Variants in EWSR1 observed in about 807,000 individuals in gnomAD.
EWSR1 encodes the protein RNA-binding protein EWS.
In EWSR1, 14 loss-of-function variants were observed where a neutral mutation model predicts 92.1. That is an observed-to-expected ratio of 0.15 (90% CI 0.10 to 0.24). The LOEUF (loss-of-function observed/expected upper bound fraction) is 0.24, where lower values mean the gene tolerates loss of function less well. Among genes scored for constraint, EWSR1 ranks in the 10% least tolerant of loss-of-function variants. The probability of loss-of-function intolerance (pLI) is 1.00; values close to 1 mark genes in which losing one functional copy is unlikely to be tolerated. For synonymous variants in EWSR1, 303 were observed against 292.9 expected (o/e 1.03, Z -0.35); for missense variants, 637 against 870.9 (o/e 0.73, Z 3.38).
chr22:29,288,130 C>T (rs1457442531), intron 7 of EWSR1, among the ~76,000 whole-genome samples: 3 of 152,190 alleles, frequency 2.0e-5, no homozygotes, highest in Admixed American at 6.5e-5. Flanking sequence ...ACATAATTAT[C>T]TTCAGAATTT....
At position 29,278,626 on chromosome 22, in the gene EWSR1, C is replaced by CA. The variant is rs1262482861; in HGVS notation, c.413+411dup. Reference sequence around the variant, plus strand: ...GATCACAAGGTCAGGAGATCGAGACCATCCTGGCTAACACGGTGAAACCCC... The same window carrying CA: ...GATCACAAGGTCAGGAGATCGAGACCAATCCTGGCTAACACGGTGAAACCCC... On this transcript the variant is annotated intron_variant, in intron 5 of 16. Coordinates refer to ENST00000397938, the MANE Select transcript of EWSR1 (RefSeq NM_005243.4). Among the ~76,000 whole-genome samples the CA allele has an allele frequency of 5.3e-5, 8 of 152,124 alleles. No individual in the cohort carries two copies. The East Asian group carries it at 1.5e-3, about 29-fold the overall frequency.
chr22:29,279,118 G>A (rs896545967), intron 5 of EWSR1, among the ~76,000 whole-genome samples: 23 of 152,094 alleles, frequency 1.5e-4, no homozygotes, highest in African/African-American at 5.6e-4. Context: ...AAACCCAGAA[G>A]AAGAGAGAGA....
At chr22:29,287,180 A>T in intron 7 of EWSR1, 46 bp downstream of exon 7, 1 of 1,570,066 alleles carries the variant, frequency 6.4e-7, no homozygotes, top group Non-Finnish European at 8.7e-7. Flanking sequence ...ATGTGTTTAG[A>T]GTTTTTTTGT....
chr22:29,269,469 C>G (rs545411840), intron 1 of EWSR1: 17 of 152,286 alleles, frequency 1.1e-4, no homozygotes, highest in African/African-American at 3.9e-4. Context: ...TACACTAACC[C>G]GCGAAAATTG....
At chr22:29,271,183 G>A (rs1006756464) in intron 1 of EWSR1, among the ~76,000 whole-genome samples, 1 of 152,160 alleles carries the variant, frequency 6.6e-6, no homozygotes, top group African/African-American at 2.4e-5. Context: ...CCGTCCTAAT[G>A]GCAGTACTGT....
intron 1 of EWSR1, among the ~76,000 whole-genome samples, chr22:29,268,593 G>C (rs1373844879): frequency 7.9e-5 from 12 of 152,132 alleles, no homozygotes; most frequent in African/African-American, 2.9e-4. Flanking sequence ...GGCGCGCGGG[G>C]CCCGCCTTGG....
chr22:29,295,518 T>G, intron 11 of EWSR1: 1 of 215,392 alleles, frequency 4.6e-6, no homozygotes. Context: ...TGCCATATTT[T>G]CTTTTCAGTT....
chr22:29,278,669 CA>C (rs1286107906), intron 5 of EWSR1, among the ~76,000 whole-genome samples: 8 of 152,100 alleles, frequency 5.3e-5, no homozygotes, highest in Admixed American at 5.2e-4. Context: ...CTGAAAAATA[CA>C]AAAAATTAGC....
intron 7 of EWSR1, among the ~76,000 whole-genome samples, chr22:29,287,997 T>C (rs1399512719): frequency 6.6e-6 from 1 of 152,130 alleles, no homozygotes; most frequent in Non-Finnish European, 1.5e-5. Context: ...GGCAACATAG[T>C]GAGACCCTGT....
chr22:29,297,160 T>G lies in EWSR1; in HGVS notation c.1295-667T>G, dbSNP rs576379724. Among the ~76,000 whole-genome samples, 56 of 152,312 alleles carry G rather than the reference T, an allele frequency of 3.7e-4. 1 individual carries two copies. The highest frequency in any genetic ancestry group is 6.5e-4 in the Non-Finnish European group (44 of 68,028). ...AGACAGTGTTTTTTGCTTGTGTTGT[T>G]TTTTTTGAGATGGTCTCACTTTGTC... is the stretch of plus-strand genomic sequence containing the variant. On this transcript the variant is annotated intron_variant, in intron 12 of 16. Coordinates refer to ENST00000397938, the MANE Select transcript of EWSR1 (RefSeq NM_005243.4).
chr22:29,287,396 C>T (rs1412837056), intron 7 of EWSR1, among the ~76,000 whole-genome samples: 5 of 152,090 alleles, frequency 3.3e-5, no homozygotes, highest in East Asian at 1.9e-4. Flanking sequence ...TTCGTAGAGA[C>T]GGGGTTTCAC....
chr22:29,296,405 C>CTA, intron 12 of EWSR1, 37 bp downstream of exon 12: 5 of 1,610,270 alleles, frequency 3.1e-6, no homozygotes, highest in Non-Finnish European at 4.2e-6. Context: ...ATCTCCCTGG[C>CTA]TATAGAATAT....
chr22:29,284,252 A>T (rs1286567638), intron 6 of EWSR1, among the ~76,000 whole-genome samples: 2 of 151,442 alleles, frequency 1.3e-5, no homozygotes, highest in Admixed American at 6.5e-5. Context: ...TTATGGGATT[A>T]CAGGTGTGAG....
chr22:29,272,174 TC>T, intron 1 of EWSR1, 41 bp from the exon 2 acceptor site: 1 of 1,587,086 alleles, frequency 6.3e-7, no homozygotes, highest in Non-Finnish European at 8.6e-7. Context: ...TCTCCTTGTT[TC>T]TGCTAACTTT....
intron 15 of EWSR1, 49 bp downstream of exon 15, chr22:29,299,380 T>C: frequency 1.9e-6 from 3 of 1,575,292 alleles, no homozygotes; most frequent in Non-Finnish European, 2.6e-6. Flanking sequence ...GTGCTAAACC[T>C]CTTTTCTTAT....
At chr22:29,296,211 A>G (rs1175492977) in intron 11 of EWSR1, 28 bp from the exon 12 acceptor site, 2 of 1,607,914 alleles carry the variant, frequency 1.2e-6, no homozygotes, top group Non-Finnish European at 8.5e-7. Flanking sequence ...TATTCTAGTC[A>G]TGCCTAACTA....
intron 11 of EWSR1, among the ~76,000 whole-genome samples, chr22:29,294,911 C>G (rs1328445214): frequency 7.4e-6 from 1 of 135,790 alleles, no homozygotes; most frequent in Non-Finnish European, 1.6e-5. Flanking sequence ...GACTCCATCT[C>G]AAAAAAAAAA....
At chr22:29,293,278 G>A (rs1465718223) in intron 11 of EWSR1, among the ~76,000 whole-genome samples, 3 of 152,122 alleles carry the variant, frequency 2.0e-5, no homozygotes, top group Non-Finnish European at 2.9e-5. Context: ...CCAAATTGCT[G>A]GGATTACAAG....
chr22:29,272,651 A>G (rs1191673812), intron 3 of EWSR1, among the ~76,000 whole-genome samples: 1 of 152,206 alleles, frequency 6.6e-6, no homozygotes, highest in Non-Finnish European at 1.5e-5. Context: ...TAACTTTTTA[A>G]TATGATTTCT....
Sources: gnomAD v4.1 joint callset for allele counts (sites outside exome capture counted in the v4.1 genomes callset) on GRCh38, gnomAD v4.1.1 for gene constraint, MANE v1.5 for transcripts, NCBI Gene and HGNC (gene_info 2026-07-23, HGNC 2026-07-21) for gene names.